The following CKAP2L variants were observed in gnomAD, a reference collection of about 807,000 sequenced individuals.
CKAP2L encodes the protein cytoskeleton-associated protein 2-like.
Under a neutral mutation model 65.7 loss-of-function variants are expected in CKAP2L, and 42 were observed. The ratio of observed to expected loss-of-function variants is 0.64; its 90% CI spans 0.50 to 0.83. The LOEUF (loss-of-function observed/expected upper bound fraction) is 0.83, where lower values mean the gene tolerates loss of function less well. Among genes scored for constraint, CKAP2L ranks in the 40% least tolerant of loss-of-function variants. The pLI is 0.00. For missense variants in CKAP2L, 908 were observed against 871.0 expected (o/e 1.04, Z -0.53); for synonymous variants, 325 against 313.5 (o/e 1.04, Z -0.39).
chr2:112,764,452 G>C, intron 1 of CKAP2L, 110 bp downstream of exon 1: 3 of 1,227,856 alleles, frequency 2.4e-6, no homozygotes, highest in Admixed American at 1.7e-5. Flanking sequence ...GGGAAACTTA[G>C]GCAGGCGAGC....
At chr2:112,742,897 T>A (rs1206247296) in intron 6 of CKAP2L, 128 bp from the exon 7 acceptor site, 1 of 625,674 alleles carries the variant, frequency 1.6e-6, no homozygotes, top group Non-Finnish European at 2.7e-6. Flanking sequence ...TAACTATAAA[T>A]CTTTTGTCTA....
At chr2:112,747,821 A>G (rs1488590040) in intron 5 of CKAP2L, among the ~76,000 whole-genome samples, 3 of 152,264 alleles carry the variant, frequency 2.0e-5, no homozygotes, top group African/African-American at 7.2e-5. Flanking sequence ...CACTGGAGCA[A>G]AGAGGAATAC....
At chr2:112,752,080 T>C (rs187203754) in intron 5 of CKAP2L, among the ~76,000 whole-genome samples, 187 bp downstream of exon 5, 2 of 152,330 alleles carry the variant, frequency 1.3e-5, no homozygotes, top group Admixed American at 1.3e-4. Context: ...GCTAAGTGCT[T>C]ATAAAAGCAC....
At position 112,764,413 on chromosome 2, in the gene CKAP2L, T is replaced by C; in HGVS notation, c.37+149A>G. ...CCCAGACGTCTACCTGGGGGTCCCG[T>C]CTGCGCTCCCGGGATGGAAAACGCC... is the stretch of plus-strand genomic sequence containing the variant. On this transcript the variant is annotated intron_variant, in intron 1 of 8. Coordinates refer to ENST00000302450, the MANE Select transcript of CKAP2L (RefSeq NM_152515.5). 3.6e-6 allele frequency: 3 copies of C among 838,888 alleles called. No individual in the cohort carries two copies. In the Admixed American group the frequency reaches 6.1e-5, roughly 17 times the overall value. The allele number at this position is 838,888 out of a possible 1,614,324, so 52.0% of individuals were successfully genotyped here.
chr2:112,745,512 T>C, intron 6 of CKAP2L, among the ~76,000 whole-genome samples: 1 of 152,040 alleles, frequency 6.6e-6, no homozygotes, highest in East Asian at 1.9e-4. Context: ...CCCGAGTAGC[T>C]GGGACTACAG....
intron 6 of CKAP2L, among the ~76,000 whole-genome samples, chr2:112,744,044 A>G (rs1451821652): frequency 6.6e-6 from 1 of 152,272 alleles, no homozygotes; most frequent in Non-Finnish European, 1.5e-5. Flanking sequence ...AATCCAAAAT[A>G]GAATTATGAT....
chr2:112,759,331 G>T (rs1390182569), intron 3 of CKAP2L, among the ~76,000 whole-genome samples: 1 of 152,066 alleles, frequency 6.6e-6, no homozygotes, highest in Non-Finnish European at 1.5e-5. Flanking sequence ...AACATGTCTG[G>T]GTGTTAGTTA....
At chr2:112,739,404 T>C (rs1394513430) in intron 8 of CKAP2L, among the ~76,000 whole-genome samples, 1 of 152,136 alleles carries the variant, frequency 6.6e-6, no homozygotes, top group Admixed American at 6.6e-5. Flanking sequence ...CTGGGCAACA[T>C]GGCAAGACCC....
At chr2:112,754,027 A>G (rs1680459238) in intron 4 of CKAP2L, among the ~76,000 whole-genome samples, 1 of 152,238 alleles carries the variant, frequency 6.6e-6, no homozygotes, top group African/African-American at 2.4e-5. Flanking sequence ...TTCCCAGCAC[A>G]GTGCCTAGCA....
At chr2:112,760,847 A>G in intron 2 of CKAP2L, 83 bp from the exon 3 acceptor site, 1 of 722,368 alleles carries the variant, frequency 1.4e-6, no homozygotes. Context: ...AAAAATTATG[A>G]ATAGAATTTT....
chr2:112,746,826 C>G (rs961961821), intron 5 of CKAP2L, among the ~76,000 whole-genome samples: 16 of 151,564 alleles, frequency 1.1e-4, no homozygotes, highest in African/African-American at 3.6e-4. Context: ...CTTGCTCTGT[C>G]GTCCAGGCTG....
intron 7 of CKAP2L, among the ~76,000 whole-genome samples, chr2:112,741,295 T>A (rs1679945841): frequency 6.6e-6 from 1 of 152,020 alleles, no homozygotes; most frequent in Non-Finnish European, 1.5e-5. Flanking sequence ...CAGTCTCCTA[T>A]TCACTCTCAA....
At chr2:112,749,054 A>T (rs1680291203) in intron 5 of CKAP2L, among the ~76,000 whole-genome samples, 1 of 152,106 alleles carries the variant, frequency 6.6e-6, no homozygotes, top group Admixed American at 6.5e-5. Context: ...ATAAAATAGC[A>T]GGCATAAGTT....
chr2:112,756,120 A>AGTC lies in CKAP2L; in HGVS notation c.1248_1250dup (p.Thr417dup). 3 of 1,614,184 alleles carry AGTC rather than the reference A, an allele frequency of 1.9e-6. No individual in the cohort carries two copies. Among genetic ancestry groups the AGTC allele is most frequent in the Non-Finnish European group, 1.7e-6 (2 of 1,180,034 alleles). On this transcript the variant is annotated inframe_insertion, in exon 4 of 9. Transcript: ENST00000302450. ...CAGCCTTTTTCAACTTGGAGTCCAA[A>AGTC]GTCTGTGCTTTTTGCTGAAAGCCAT...
At chr2:112,755,403 G>T (rs1238644935) in intron 4 of CKAP2L, among the ~76,000 whole-genome samples, 1 of 152,110 alleles carries the variant, frequency 6.6e-6, no homozygotes, top group Non-Finnish European at 1.5e-5. Flanking sequence ...GCCTCCCAAA[G>T]TGCTGGGACT....
intron 2 of CKAP2L, 142 bp downstream of exon 2, chr2:112,762,361 G>T: frequency 1.5e-6 from 1 of 661,962 alleles, no homozygotes; most frequent in Non-Finnish European, 2.7e-6. Context: ...TGCCTGGACT[G>T]AAATGCTCTT....
At chr2:112,762,100 C>T (rs1680739166) in intron 2 of CKAP2L, among the ~76,000 whole-genome samples, 1 of 152,198 alleles carries the variant, frequency 6.6e-6, no homozygotes, top group South Asian at 2.1e-4. Context: ...TATCACTCTG[C>T]TACGGAGGAT....
intron 2 of CKAP2L, among the ~76,000 whole-genome samples, chr2:112,760,970 C>T (rs1680700468): frequency 6.6e-6 from 1 of 151,804 alleles, no homozygotes; most frequent in African/African-American, 2.4e-5. Context: ...ACCAACTGCT[C>T]CTACTCTTTT....
intron 8 of CKAP2L, 132 bp downstream of exon 8, chr2:112,740,686 C>A: frequency 1.4e-6 from 1 of 691,598 alleles, no homozygotes. Flanking sequence ...CATTCTAATA[C>A]CCCTCCTGAC....
Sources: allele counts gnomAD v4.1 joint callset (sites outside exome capture counted in the v4.1 genomes callset), GRCh38; gene constraint gnomAD v4.1.1; transcripts MANE v1.5; gene names NCBI Gene and HGNC (gene_info 2026-07-23, HGNC 2026-07-21).